The following AZIN2 variants were observed in gnomAD, a reference collection of about 807,000 sequenced individuals.
AZIN2 encodes the protein ODC antizyme inhibitor-2.
In AZIN2, 28 loss-of-function variants were observed where a neutral mutation model predicts 47.8. That is an observed-to-expected ratio of 0.59 (90% CI 0.43 to 0.80). The LOEUF (loss-of-function observed/expected upper bound fraction) is 0.80, where lower values mean the gene tolerates loss of function less well. AZIN2 is among the 30% of genes least tolerant of loss of function. The pLI, the probability that AZIN2 is intolerant of heterozygous loss-of-function variation, is 0.00. For missense variants in AZIN2, 535 were observed against 582.5 expected, an observed-to-expected ratio of 0.92 and a Z score of 0.84; for synonymous variants, 221 against 239.4, an observed-to-expected ratio of 0.92 and a Z score of 0.71.
intron 4 of AZIN2, chr1:33,083,062 G>A (rs1641471045): frequency 6.6e-6 from 1 of 152,522 alleles, no homozygotes; most frequent in African/African-American, 2.4e-5. Context: ...GATCGCCCCA[G>A]GCAGATTTTC....
the AZIN2 span, among the ~76,000 whole-genome samples, chr1:33,136,864 G>T: frequency 6.6e-6 from 1 of 151,882 alleles, no homozygotes; most frequent in African/African-American, 2.4e-5. Context: ...GGGCGTGGTG[G>T]TGCGTGCTTG....
the AZIN2 span, chr1:33,141,891 T>C: frequency 6.4e-6 from 1 of 156,582 alleles, no homozygotes; most frequent in East Asian, 1.7e-4. Flanking sequence ...ATATATTCTT[T>C]TCATCAAGAT....
the AZIN2 span, chr1:33,159,621 C>G: frequency 3.3e-6 from 5 of 1,531,188 alleles, no homozygotes; most frequent in East Asian, 9.1e-5. The surrounding 1 kb of genome is among the most constrained non-coding windows in gnomAD (Gnocchi z 4.2). Flanking sequence ...TGCCTCCACT[C>G]CCACTGCCCA....
intron 11 of AZIN2, 129 bp from the exon 12 acceptor site, chr1:33,119,915 T>TCCCTGC (rs1009991776): frequency 3.0e-6 from 4 of 1,312,686 alleles, no homozygotes; most frequent in African/African-American, 2.9e-5. Context: ...CAGCAGCCTG[T>TCCCTGC]CCCTGCCCCT....
At chr1:33,149,651 C>T in the AZIN2 span, among the ~76,000 whole-genome samples, 4 of 151,850 alleles carry the variant, frequency 2.6e-5, no homozygotes, top group Admixed American at 6.6e-5. Flanking sequence ...GATGAGGTTT[C>T]GCAATGTTGG....
chr1:33,088,546 G>A (rs1293997549), intron 5 of AZIN2, among the ~76,000 whole-genome samples: 1 of 152,028 alleles, frequency 6.6e-6, no homozygotes, highest in Non-Finnish European at 1.5e-5. Flanking sequence ...TAACCCTTTA[G>A]ACTCTTTCCC....
the AZIN2 span, among the ~76,000 whole-genome samples, chr1:33,154,062 CTA>C: frequency 6.6e-6 from 1 of 152,160 alleles, no homozygotes; most frequent in Non-Finnish European, 1.5e-5. Flanking sequence ...CCATCAAAGA[CTA>C]AGGATTGTGT....
the AZIN2 span, chr1:33,142,594 CCTTT>C: frequency 6.6e-6 from 1 of 152,324 alleles, no homozygotes; most frequent in South Asian, 2.1e-4. Flanking sequence ...TCACATGGGG[CCTTT>C]CTAACTCCAC....
At chr1:33,143,965 T>G in the AZIN2 span, among the ~76,000 whole-genome samples, 1 of 152,214 alleles carries the variant, frequency 6.6e-6, no homozygotes. Context: ...GGCCCCCATG[T>G]CTCTTGCCTG....
At chr1:33,088,227 A>T (rs1642148937) in intron 5 of AZIN2, among the ~76,000 whole-genome samples, 1 of 152,140 alleles carries the variant, frequency 6.6e-6, no homozygotes, top group African/African-American at 2.4e-5. Flanking sequence ...GCATGTTCAA[A>T]TGTGCTCCTG....
At chr1:33,104,671 T>C (rs1643911605) in intron 10 of AZIN2, among the ~76,000 whole-genome samples, 1 of 152,202 alleles carries the variant, frequency 6.6e-6, no homozygotes, top group African/African-American at 2.4e-5. Context: ...CTTTGATTTC[T>C]ACTTTTTTTG....
chr1:33,134,663 G>A, the AZIN2 span, among the ~76,000 whole-genome samples: 1 of 152,206 alleles, frequency 6.6e-6, no homozygotes, highest in African/African-American at 2.4e-5. Context: ...CAGGGAAGCT[G>A]TGGCATGGGA....
the AZIN2 span, among the ~76,000 whole-genome samples, chr1:33,139,745 G>C: frequency 6.6e-6 from 1 of 152,290 alleles, no homozygotes; most frequent in African/African-American, 2.4e-5. Context: ...GCCTGTATTG[G>C]GCTGCTGGTG....
chr1:33,091,574 C>G (rs1642558201), intron 5 of AZIN2, among the ~76,000 whole-genome samples: 1 of 151,948 alleles, frequency 6.6e-6, no homozygotes, highest in African/African-American at 2.4e-5. Context: ...AACCTCCATA[C>G]TGTTTTCCAA....
chr1:33,138,335 A>T, the AZIN2 span, among the ~76,000 whole-genome samples: 1 of 152,158 alleles, frequency 6.6e-6, no homozygotes, highest in African/African-American at 2.4e-5. Flanking sequence ...CAATAGGCAA[A>T]GTGGTTTGAT....
chr1:33,138,685 C>T, the AZIN2 span, among the ~76,000 whole-genome samples: 1 of 151,204 alleles, frequency 6.6e-6, no homozygotes, highest in South Asian at 2.1e-4. Context: ...CCTCAAAATG[C>T]TAGCAGCAGT....
chr1:33,156,471 G>A, the AZIN2 span, among the ~76,000 whole-genome samples: 1 of 152,104 alleles, frequency 6.6e-6, no homozygotes. Context: ...ACTCTCTCCT[G>A]GAAATGCTTC....
At position 33,093,366 on chromosome 1, in the gene AZIN2, A is replaced by C; in HGVS notation, c.537A>C (p.Arg179Ser). The C allele has an allele frequency of 6.2e-7, 1 of 1,614,094 alleles. No homozygotes were observed. Among genetic ancestry groups the C allele is most frequent in the Non-Finnish European group, 8.5e-7 (1 of 1,179,992 alleles). The change falls in exon 7 of 12, where the codon AGA becomes AGC. Residue 179 changes from arginine to serine, a missense_variant. Arg to Ser is a moderately radical substitution (Grantham distance 110, BLOSUM62 -1). Coordinates refer to ENST00000294517, the MANE Select transcript of AZIN2 (RefSeq NM_052998.4). ...TTGGAGTGTCACTGAAATCCTGCAGACACCTGCTTGAAAATGCGAAGAAGC... is the reference window on the plus strand; with the variant it reads ...TTGGAGTGTCACTGAAATCCTGCAGCCACCTGCTTGAAAATGCGAAGAAGC... The part of the protein sequence containing the change: ...LKFGVSLKSC[R>S]HLLENAKKHH...
chr1:33,156,217 G>A, the AZIN2 span, among the ~76,000 whole-genome samples: 4 of 152,114 alleles, frequency 2.6e-5, no homozygotes, highest in Non-Finnish European at 4.4e-5. Flanking sequence ...TCATCTCACA[G>A]ATATGCTGTA....
Sources: gnomAD v4.1 joint callset for allele counts (sites outside exome capture counted in the v4.1 genomes callset) on GRCh38, gnomAD v4.1.1 for gene constraint, Gnocchi (gnomAD v3.1) non-coding constraint, MANE v1.5 for transcripts, NCBI Gene and HGNC (gene_info 2026-07-23, HGNC 2026-07-21) for gene names.